The following PPP2R5E variants were observed in gnomAD, a reference collection of about 807,000 sequenced individuals.
The protein encoded by PPP2R5E is serine/threonine-protein phosphatase 2A 56 kDa regulatory subunit epsilon isoform.
A neutral mutation model predicts 65.3 loss-of-function variants in PPP2R5E; 4 were observed. The observed-to-expected ratio is 0.06, with a 90% CI of 0.03 to 0.14. The LOEUF (loss-of-function observed/expected upper bound fraction) is 0.14. Among genes scored for constraint, PPP2R5E ranks in the 10% least tolerant of loss-of-function variants. The pLI, the probability that PPP2R5E is intolerant of heterozygous loss-of-function variation, is 1.00. For synonymous variants in PPP2R5E, 183 were observed against 187.4 expected, an observed-to-expected ratio of 0.98 and a Z score of 0.19; for missense variants, 274 against 556.1, an observed-to-expected ratio of 0.49 and a Z score of 5.10.
At chr14:63,509,527 G>A (rs1444352373) in intron 2 of PPP2R5E, among the ~76,000 whole-genome samples, 1 of 152,072 alleles carries the variant, frequency 6.6e-6, no homozygotes. Context: ...ACCCGCCTTG[G>A]CCTCCCAAAG....
intron 2 of PPP2R5E, among the ~76,000 whole-genome samples, chr14:63,521,342 CATT>C (rs1484123663): frequency 6.6e-6 from 1 of 152,156 alleles, no homozygotes; most frequent in African/African-American, 2.4e-5. Context: ...GTGAAATGAG[CATT>C]ATTTCTAGAA....
intron 2 of PPP2R5E, among the ~76,000 whole-genome samples, chr14:63,455,046 T>TA (rs1243306184): frequency 6.6e-6 from 1 of 152,196 alleles, no homozygotes; most frequent in Non-Finnish European, 1.5e-5. Flanking sequence ...TAACAGTGTG[T>TA]AGTCACTTGC....
chr14:63,442,427 T>A (rs891504621), intron 3 of PPP2R5E, among the ~76,000 whole-genome samples: 24 of 135,700 alleles, frequency 1.8e-4, no homozygotes, highest in East Asian at 2.6e-4. Context: ...TATCTACAAA[T>A]CTTATCTCCT....
At chr14:63,439,681 G>A (rs541714544) in intron 3 of PPP2R5E, among the ~76,000 whole-genome samples, 1 of 152,236 alleles carries the variant, frequency 6.6e-6, no homozygotes, top group South Asian at 2.1e-4. Context: ...GCCGGGTTCT[G>A]GTCTGTTTGT....
At chr14:63,464,673 A>C (rs1207043466) in intron 2 of PPP2R5E, among the ~76,000 whole-genome samples, 1 of 152,196 alleles carries the variant, frequency 6.6e-6, no homozygotes, top group Non-Finnish European at 1.5e-5. Flanking sequence ...GTTTACTGAC[A>C]ATGGACAAGC....
At chr14:63,519,075 G>A (rs368035885) in intron 2 of PPP2R5E, among the ~76,000 whole-genome samples, 2 of 152,214 alleles carry the variant, frequency 1.3e-5, no homozygotes, top group African/African-American at 4.8e-5. Context: ...TTAGCCAGGC[G>A]TGGTGGCACA....
At chr14:63,517,982 G>T (rs970720337) in intron 2 of PPP2R5E, among the ~76,000 whole-genome samples, 1 of 152,072 alleles carries the variant, frequency 6.6e-6, no homozygotes, top group African/African-American at 2.4e-5. Context: ...CATAAAATAG[G>T]GAATTAAAAC....
chr14:63,411,611 T>C (rs76750946), intron 5 of PPP2R5E, among the ~76,000 whole-genome samples: 3,308 of 141,214 alleles, frequency 0.023, 145 homozygotes, highest in African/African-American at 0.085. Context: ...GTCCTTGAAG[T>C]AATGAGTGAG....
intron 3 of PPP2R5E, among the ~76,000 whole-genome samples, chr14:63,446,843 A>G (rs918958487): frequency 6.6e-6 from 1 of 151,886 alleles, no homozygotes; most frequent in Non-Finnish European, 1.5e-5. Flanking sequence ...AAAAAAAAAA[A>G]AAAAGAAAAA....
intron 3 of PPP2R5E, among the ~76,000 whole-genome samples, chr14:63,435,777 T>A (rs1402048012): frequency 1.3e-5 from 2 of 152,162 alleles, no homozygotes. Flanking sequence ...GGAGGCAACT[T>A]TTTACCTGCT....
At chr14:63,474,226 G>T (rs1474071906) in intron 2 of PPP2R5E, among the ~76,000 whole-genome samples, 1 of 152,132 alleles carries the variant, frequency 6.6e-6, no homozygotes, top group Non-Finnish European at 1.5e-5. Flanking sequence ...CTACTCTGGG[G>T]GGAGAATACA....
At chr14:63,510,388 A>G (rs985488901) in intron 2 of PPP2R5E, among the ~76,000 whole-genome samples, 1 of 152,238 alleles carries the variant, frequency 6.6e-6, no homozygotes, top group Non-Finnish European at 1.5e-5. Context: ...AAAATACTCA[A>G]GGTCACTGCC....
intron 2 of PPP2R5E, among the ~76,000 whole-genome samples, chr14:63,495,467 G>A (rs1891507330): frequency 1.3e-5 from 2 of 148,618 alleles, no homozygotes; most frequent in Admixed American, 1.3e-4. Context: ...TGTAATCCCA[G>A]CAACTAGGGA....
intron 10 of PPP2R5E, among the ~76,000 whole-genome samples, chr14:63,391,437 T>C (rs187709136): frequency 0.012 from 1,765 of 152,168 alleles, 20 homozygotes; most frequent in Non-Finnish European, 0.017. Context: ...TTTGTTTTGT[T>C]TTTGAGACAG....
rs74695074 is a variant in PPP2R5E at position 63,513,283 on chromosome 14, C to G, written c.157+26246G>C. Among the ~76,000 whole-genome samples the G allele has an allele frequency of 4.3e-3, 654 of 152,274 alleles. 2 individuals carry two copies. Among genetic ancestry groups the G allele is most frequent in the Middle Eastern group, 6.8e-3 (2 of 294 alleles). Reference sequence around the variant, plus strand: ...TGCACTGGTGTATTCAAAATACACACTGCATCGCCCTCAAGTAAAAAGGAC... The same window carrying G: ...TGCACTGGTGTATTCAAAATACACAGTGCATCGCCCTCAAGTAAAAAGGAC... On this transcript the variant is annotated intron_variant, in intron 2 of 13. Transcript: ENST00000337537.
chr14:63,460,550 T>C (rs541355361), intron 2 of PPP2R5E, among the ~76,000 whole-genome samples: 5 of 152,240 alleles, frequency 3.3e-5, no homozygotes, highest in Non-Finnish European at 7.3e-5. Flanking sequence ...AATACAAATA[T>C]TCACGTTTTA....
At chr14:63,538,168 A>AGCTACTCGGGAAGTTGATCCCG (rs1158671720) in intron 2 of PPP2R5E, among the ~76,000 whole-genome samples, 2 of 152,064 alleles carry the variant, frequency 1.3e-5, no homozygotes, top group African/African-American at 4.8e-5. Context: ...CTGTAGTCCC[A>AGCTACTCGGGAAGTTGATCCCG]GCTACTCGGG....
chr14:63,474,391 G>C (rs1388385306), intron 2 of PPP2R5E, among the ~76,000 whole-genome samples: 1 of 152,056 alleles, frequency 6.6e-6, no homozygotes, highest in Non-Finnish European at 1.5e-5. Flanking sequence ...GAAATAGTTT[G>C]GTGGGGGAAA....
chr14:63,537,325 T>G (rs1010717682), intron 2 of PPP2R5E, among the ~76,000 whole-genome samples: 3 of 152,186 alleles, frequency 2.0e-5, no homozygotes, highest in Admixed American at 2.0e-4. Flanking sequence ...TCAGATTAAA[T>G]AGATTACTAA....
Sources: allele counts gnomAD v4.1 joint callset (sites outside exome capture counted in the v4.1 genomes callset), GRCh38; gene constraint gnomAD v4.1.1; transcripts MANE v1.5; gene names NCBI Gene and HGNC (gene_info 2026-07-23, HGNC 2026-07-21).